The following ATP2A3 variants were observed in gnomAD, a reference collection of about 807,000 sequenced individuals.
The protein encoded by ATP2A3 is ATPase sarcoplasmic/endoplasmic reticulum Ca2+ transporting 3.
In ATP2A3, 61 loss-of-function variants were observed where a neutral mutation model predicts 106.8. That is an observed-to-expected ratio of 0.57 (90% CI 0.46 to 0.71). The LOEUF is 0.71. ATP2A3 is among the 30% of genes least tolerant of loss of function. The pLI, the probability that ATP2A3 is intolerant of heterozygous loss-of-function variation, is 0.00. For synonymous variants in ATP2A3, 611 were observed against 609.3 expected (o/e 1.00, Z -0.04); for missense variants, 1,201 against 1,423.5 (o/e 0.84, Z 2.52).
At chr17:3,954,593 T>C (rs986124128) in intron 1 of ATP2A3, among the ~76,000 whole-genome samples, 2 of 149,950 alleles carry the variant, frequency 1.3e-5, no homozygotes, top group African/African-American at 4.9e-5. Context: ...ACCTCCCGGG[T>C]TCAAGCGATT....
intron 17 of ATP2A3, among the ~76,000 whole-genome samples, chr17:3,932,923 C>T (rs747657655): frequency 6.6e-6 from 1 of 151,810 alleles, no homozygotes; most frequent in Admixed American, 6.5e-5. Context: ...ACCTCCCACT[C>T]GGGCATGTGA....
chr17:3,945,932 T>C (rs1449958014), intron 8 of ATP2A3, among the ~76,000 whole-genome samples: 1 of 152,156 alleles, frequency 6.6e-6, no homozygotes, highest in Non-Finnish European at 1.5e-5. Flanking sequence ...CCCCTACAAC[T>C]TCCCCACACT....
Position 3,955,025 on chromosome 17 carries a change from G to A in ATP2A3, c.119-1315C>T, listed in dbSNP as rs2054691315. ...CTGTGTGGGGATGAGAGGGGCGGGAGCCAGGCTCTGCAGGGTGGGCTTGGA... is the reference window on the plus strand; with the variant it reads ...CTGTGTGGGGATGAGAGGGGCGGGAACCAGGCTCTGCAGGGTGGGCTTGGA... On this transcript the variant is annotated intron_variant, in intron 1 of 20. Coordinates refer to ENST00000397041, the MANE Select transcript of ATP2A3 (RefSeq NM_005173.4). This position sits in a 1 kb window ranked among gnomAD's most constrained non-coding sequence, Gnocchi z 4.2. Among the ~76,000 whole-genome samples, 1 of 152,160 alleles carries A rather than the reference G, an allele frequency of 6.6e-6. No individual in the cohort carries two copies. The highest frequency in any genetic ancestry group is 6.5e-5 in the Admixed American group (1 of 15,286).
At chr17:3,957,191 G>T (rs745396916) in intron 1 of ATP2A3, among the ~76,000 whole-genome samples, 1 of 152,214 alleles carries the variant, frequency 6.6e-6, no homozygotes, top group Non-Finnish European at 1.5e-5. Flanking sequence ...CTCATGATCC[G>T]CAAACAAGCT....
intron 1 of ATP2A3, among the ~76,000 whole-genome samples, chr17:3,960,732 C>A (rs1022881868): frequency 6.6e-6 from 1 of 152,200 alleles, no homozygotes; most frequent in African/African-American, 2.4e-5. Context: ...CTGATCCCAC[C>A]CTGTGCTGGC....
At chr17:3,937,064 A>T in intron 15 of ATP2A3, 1 of 386,756 alleles carries the variant, frequency 2.6e-6, no homozygotes, top group Non-Finnish European at 4.9e-6. Flanking sequence ...GGCCATGTGC[A>T]CACAAATACA....
In ATP2A3 at chr17:3,924,481, G is replaced by A. The variant is rs1474589451; in HGVS notation, c.*941C>T. 3.7e-6 allele frequency: 1 copy of A among 273,964 alleles called. No individual in the cohort carries two copies. Among genetic ancestry groups the A allele is most frequent in the Non-Finnish European group, 7.3e-6 (1 of 136,314 alleles). The allele number at this position is 273,964 out of a possible 1,614,324, so 17.0% of individuals were successfully genotyped here. A position where few individuals can be genotyped will look rare whatever the true frequency, so the allele number is the denominator to read the frequency against. On this transcript the variant is annotated 3_prime_UTR_variant, in exon 21 of 21. Coordinates refer to ENST00000397041, the MANE Select transcript of ATP2A3 (RefSeq NM_005173.4). This position sits in a 1 kb window ranked among gnomAD's most constrained non-coding sequence, Gnocchi z 6.4. The stretch of plus-strand genomic sequence containing the variant: ...GTCCAGGAAGCCCACCAGGCTCAGA[G>A]GCCCCCAGCTGTGCAGACAGCGCGG...
Position 3,928,436 on chromosome 17 carries a change from C to T in ATP2A3, c.2980+227G>A. 8.6e-7 allele frequency: 1 copy of T among 1,157,702 alleles called. No homozygotes were observed. The allele number at this position is 1,157,702 out of a possible 1,614,324, so 71.7% of individuals were successfully genotyped here. On this transcript the variant is annotated intron_variant, in intron 20 of 20. Coordinates refer to ENST00000397041, the MANE Select transcript of ATP2A3 (RefSeq NM_005173.4). This position sits in a 1 kb window ranked among gnomAD's most constrained non-coding sequence, Gnocchi z 6.1. ...AGGCAGTGTGGCCCAAGAGGTGCTCCCGTTGCTGGCCCAGTGAGCCCAGGT... is the reference window on the plus strand; with the variant it reads ...AGGCAGTGTGGCCCAAGAGGTGCTCTCGTTGCTGGCCCAGTGAGCCCAGGT...
rs774653696 is a variant in ATP2A3, at chr17:3,937,472, G to C, written c.2265C>G (p.Ser755Arg). ...AAVEEGRAIYSNMKQFIRYLI... is the reference protein window; with the variant it reads ...AAVEEGRAIYRNMKQFIRYLI... ...GGTAGCGGATGAATTGCTTCATGTT[G>C]CTGTAGATGGCCCGGCCCTCCTCCA... The change falls in exon 15 of 21, where the codon AGC (serine) becomes AGG (arginine). Residue 755 changes from serine to arginine, a missense_variant. By Grantham distance (110) the Ser-to-Arg change is moderately radical. This residue lies in a region of ATP2A3 where 935 missense variants were observed against 1,176.7 expected (regional missense o/e 0.79). Coordinates refer to ENST00000397041, the MANE Select transcript of ATP2A3 (RefSeq NM_005173.4). 6.2e-7 allele frequency: 1 copy of C among 1,612,912 alleles called. No individual in the cohort carries two copies.
At chr17:3,956,514 C>A (rs2054791286) in intron 1 of ATP2A3, among the ~76,000 whole-genome samples, 1 of 152,172 alleles carries the variant, frequency 6.6e-6, no homozygotes, top group Non-Finnish European at 1.5e-5. Context: ...AGCTGGCGAG[C>A]CCCTGGACTG....
chr17:3,954,123 G>A (rs972116929), intron 1 of ATP2A3, among the ~76,000 whole-genome samples: 15 of 152,086 alleles, frequency 9.9e-5, no homozygotes, highest in African/African-American at 2.9e-4. Context: ...TTAGATGGCC[G>A]CAGAGTCCTG....
intron 3 of ATP2A3, among the ~76,000 whole-genome samples, chr17:3,952,931 A>G (rs1567717736): frequency 6.6e-6 from 1 of 152,116 alleles, no homozygotes; most frequent in African/African-American, 2.4e-5. Flanking sequence ...GGGAGGTGCT[A>G]CTGGCATCTT....
At chr17:3,937,786 G>C (rs2053535311) in intron 14 of ATP2A3, 150 bp from the exon 15 acceptor site, 1 of 846,190 alleles carries the variant, frequency 1.2e-6, no homozygotes, top group Non-Finnish European at 1.9e-6. Flanking sequence ...GAATGAACTA[G>C]AAATTGGGCA....
rs2054565567 is a variant in ATP2A3 at position 3,953,346 on chromosome 17, C to A, written c.219+1G>T. ...AGGATGGCTGGCAGGGCCCTACTTA[C>A]AAAGGAGACAAGGGCAGCCAGCAGC... On this transcript the variant is annotated splice_donor_variant, in intron 3 of 20. Coordinates refer to ENST00000397041, the MANE Select transcript of ATP2A3 (RefSeq NM_005173.4). LOFTEE classifies it high-confidence loss of function. This position sits in a 1 kb window ranked among gnomAD's most constrained non-coding sequence, Gnocchi z 5.1. The A allele has an allele frequency of 6.2e-6, 10 of 1,613,776 alleles. No individual in the cohort carries two copies. Among genetic ancestry groups the A allele is most frequent in the Non-Finnish European group, 8.5e-6 (10 of 1,179,976 alleles).
chr17:3,925,282 T>C lies in ATP2A3; in HGVS notation c.*140A>G. ...GGACGGGGCCCGGGGATGGCCATTC[T>C]GACCTCGGGCCTGTCATTTATCCGG... On this transcript the variant is annotated 3_prime_UTR_variant, in exon 21 of 21. Transcript: ENST00000397041. This position sits in a 1 kb window ranked among gnomAD's most constrained non-coding sequence, Gnocchi z 4.2. 1 of 1,463,430 alleles carries C rather than the reference T, an allele frequency of 6.8e-7. No individual in the cohort carries two copies. Among genetic ancestry groups the C allele is most frequent in the Non-Finnish European group, 9.4e-7 (1 of 1,061,838 alleles). 90.7% of individuals were successfully genotyped at this position (1,463,430 alleles called of 1,614,324 possible). A position where few individuals can be genotyped will look rare whatever the true frequency, so the allele number is the denominator to read the frequency against.
intron 3 of ATP2A3, among the ~76,000 whole-genome samples, chr17:3,952,291 C>T (rs1455474590): frequency 6.6e-6 from 1 of 152,156 alleles, no homozygotes; most frequent in African/African-American, 2.4e-5. Context: ...TACCACGTTG[C>T]CCAGGCTGAA....
At position 3,947,373 on chromosome 17, in the gene ATP2A3, A is replaced by T; in HGVS notation, c.1095+18T>A. The T allele has an allele frequency of 6.2e-7, 1 of 1,613,570 alleles. No homozygotes were observed. The highest frequency in any genetic ancestry group is 1.1e-5 in the South Asian group (1 of 91,084). ...CTGCTCTGCAACGCACAGCAACACC[A>T]AGCTGGCCGTCACTCACCCGGCAGA... On this transcript the variant is annotated intron_variant, in intron 8 of 20. Coordinates refer to ENST00000397041, the MANE Select transcript of ATP2A3 (RefSeq NM_005173.4). The surrounding 1 kb of genome is among the most constrained non-coding windows in gnomAD (Gnocchi z 7.7).
intron 17 of ATP2A3, among the ~76,000 whole-genome samples, chr17:3,934,751 G>C (rs1275293122): frequency 2.0e-5 from 3 of 151,158 alleles, no homozygotes; most frequent in East Asian, 2.0e-4. Flanking sequence ...TCGAACTCCT[G>C]ACCTCAGGTG....
In ATP2A3 at chr17:3,955,887, A is replaced by T. The variant is rs571262928; in HGVS notation, c.119-2177T>A. ...CCTTTCTCTTATTTTATTTTATTTT[A>T]TTTTTTTTTTTTGAGATGGAGTCTT... On this transcript the variant is annotated intron_variant, in intron 1 of 20. Transcript: ENST00000397041. The surrounding 1 kb of genome is among the most constrained non-coding windows in gnomAD (Gnocchi z 4.2). 4.6e-3 allele frequency among the ~76,000 whole-genome samples: 667 copies of T among 144,016 alleles called. 7 individuals carry two copies. The highest frequency in any genetic ancestry group is 0.041 in the East Asian group (205 of 4,988). 94.5% of individuals were successfully genotyped at this position (144,016 alleles called of 152,430 possible).
Sources: gnomAD v4.1 joint callset for allele counts (sites outside exome capture counted in the v4.1 genomes callset) on GRCh38, gnomAD v4.1.1 for gene constraint, gnomAD v4.1.1 regional missense constraint, Gnocchi (gnomAD v3.1) non-coding constraint, MANE v1.5 for transcripts, NCBI Gene and HGNC (gene_info 2026-07-23, HGNC 2026-07-21) for gene names.